The following CNTNAP2 variants were observed in gnomAD, a reference collection of about 807,000 sequenced individuals.
The protein encoded by CNTNAP2 is contactin associated protein 2, also known as contactin-associated protein-like 2.
In CNTNAP2, 98 loss-of-function variants were observed where a neutral mutation model predicts 155.2. That is an observed-to-expected ratio of 0.63 (90% CI 0.54 to 0.75). CNTNAP2 has a LOEUF of 0.75. Ranked by LOEUF, CNTNAP2 falls within the 30% of genes least tolerant of loss-of-function variation. CNTNAP2 has a pLI of 0.00. For missense variants in CNTNAP2, 1,727 were observed against 1,688.1 expected, an observed-to-expected ratio of 1.02 and a Z score of -0.40; for synonymous variants, 651 against 631.2, an observed-to-expected ratio of 1.03 and a Z score of -0.47.
intron 8 of CNTNAP2, among the ~76,000 whole-genome samples, chr7:147,243,617 T>A (rs1235035047): frequency 6.6e-6 from 1 of 152,230 alleles, no homozygotes; most frequent in Non-Finnish European, 1.5e-5. Context: ...CTATTGCTTA[T>A]GTTCTGATTT....
intron 13 of CNTNAP2, among the ~76,000 whole-genome samples, chr7:147,699,804 C>G (rs954255917): frequency 1.3e-5 from 2 of 152,064 alleles, no homozygotes; most frequent in South Asian, 2.1e-4. Context: ...ATCACTCCCC[C>G]CAAAATTTCT....
At chr7:146,632,213 G>C (rs1318996203) in intron 1 of CNTNAP2, among the ~76,000 whole-genome samples, 1 of 152,082 alleles carries the variant, frequency 6.6e-6, no homozygotes, top group Non-Finnish European at 1.5e-5. Flanking sequence ...CTTAGTGATT[G>C]TATTTTTCAT....
chr7:147,459,273 C>T (rs975840009), intron 10 of CNTNAP2, among the ~76,000 whole-genome samples: 10 of 152,182 alleles, frequency 6.6e-5, no homozygotes, highest in Non-Finnish European at 1.5e-4. Flanking sequence ...TTCTGCATTT[C>T]TTTTATCCTC....
intron 1 of CNTNAP2, among the ~76,000 whole-genome samples, chr7:146,228,354 G>A (rs76107655): frequency 3.5e-3 from 528 of 152,106 alleles, no homozygotes; most frequent in Admixed American, 4.9e-3. Context: ...GCATAATTTC[G>A]GCAAGTCCCT....
intron 13 of CNTNAP2, among the ~76,000 whole-genome samples, chr7:147,683,984 G>A (rs2116983216): frequency 6.6e-6 from 1 of 151,600 alleles, no homozygotes; most frequent in East Asian, 1.9e-4. Context: ...TACCAATGGA[G>A]GATAAGAAGA....
At chr7:147,688,734 C>G (rs1212953117) in intron 13 of CNTNAP2, among the ~76,000 whole-genome samples, 1 of 151,754 alleles carries the variant, frequency 6.6e-6, no homozygotes, top group African/African-American at 2.4e-5. Flanking sequence ...TGTGGTTATA[C>G]TATGCTGCAG....
At chr7:147,720,742 C>T (rs1321410415) in intron 13 of CNTNAP2, among the ~76,000 whole-genome samples, 1 of 152,116 alleles carries the variant, frequency 6.6e-6, no homozygotes, top group East Asian at 1.9e-4. Context: ...CCTCGCTTCC[C>T]TTTCACCTTC....
At chr7:147,597,973 G>C (rs540850638) in intron 12 of CNTNAP2, among the ~76,000 whole-genome samples, 5 of 152,248 alleles carry the variant, frequency 3.3e-5, no homozygotes, top group African/African-American at 1.2e-4. Flanking sequence ...GCAGCAATAG[G>C]TCAGGCAAAC....
At chr7:146,968,539 G>A (rs1177105544) in intron 3 of CNTNAP2, among the ~76,000 whole-genome samples, 1 of 152,108 alleles carries the variant, frequency 6.6e-6, no homozygotes, top group African/African-American at 2.4e-5. Context: ...TTAGTCTTGG[G>A]AGGGTGTATG....
At chr7:147,860,297 C>T (rs774163469) in intron 13 of CNTNAP2, among the ~76,000 whole-genome samples, 5 of 152,004 alleles carry the variant, frequency 3.3e-5, no homozygotes, top group African/African-American at 4.8e-5. Context: ...CGGTGGTCTG[C>T]GCCTGTAATC....
chr7:146,991,834 A>G (rs1798213511), intron 3 of CNTNAP2, among the ~76,000 whole-genome samples: 1 of 152,192 alleles, frequency 6.6e-6, no homozygotes, highest in Admixed American at 6.5e-5. Flanking sequence ...TTAGAACTTA[A>G]CAATGTGAAT....
In CNTNAP2 at chr7:147,314,059, CTGTT is replaced by C. The variant is rs1399041857; in HGVS notation, c.1498+13773_1498+13776del. On this transcript the variant is annotated intron_variant, in intron 9 of 23. Coordinates refer to ENST00000361727, the MANE Select transcript of CNTNAP2 (RefSeq NM_014141.6). Reference sequence around the variant, plus strand: ...GGGAGTTCACTCATGATTTGACTCTCTGTTTGTCTGTTATTGGTGTATAAGAATG... The same window carrying C: ...GGGAGTTCACTCATGATTTGACTCTCTGTCTGTTATTGGTGTATAAGAATG... Among the ~76,000 whole-genome samples the C allele has an allele frequency of 2.0e-5, 3 of 152,096 alleles. 1 individual carries two copies. The highest frequency in any genetic ancestry group is 4.1e-4 in the South Asian group (2 of 4,822).
chr7:147,419,077 A>C (rs1266987304), intron 10 of CNTNAP2, among the ~76,000 whole-genome samples: 2 of 152,210 alleles, frequency 1.3e-5, no homozygotes, highest in Non-Finnish European at 2.9e-5. Context: ...ATGCCAAAAA[A>C]ATTTCAATGA....
chr7:147,760,212 C>T (rs890519991), intron 13 of CNTNAP2, among the ~76,000 whole-genome samples: 2 of 150,860 alleles, frequency 1.3e-5, no homozygotes, highest in Non-Finnish European at 1.5e-5. Flanking sequence ...ATCAGAAATC[C>T]TTATCTACTA....
At chr7:147,761,692 G>A (rs979140673) in intron 13 of CNTNAP2, among the ~76,000 whole-genome samples, 4 of 152,108 alleles carry the variant, frequency 2.6e-5, no homozygotes, top group Admixed American at 1.3e-4. Flanking sequence ...ATCTTATCAG[G>A]CATTGAGCTG....
intron 15 of CNTNAP2, among the ~76,000 whole-genome samples, chr7:148,113,887 G>A (rs1388455879): frequency 1.3e-5 from 2 of 152,194 alleles, no homozygotes; most frequent in Non-Finnish European, 2.9e-5. Context: ...TTCTGTTACT[G>A]TTGACTGACC....
chr7:147,764,198 C>T (rs1398223038), intron 13 of CNTNAP2, among the ~76,000 whole-genome samples: 3 of 152,142 alleles, frequency 2.0e-5, no homozygotes, highest in Non-Finnish European at 4.4e-5. Context: ...TTCTTGGCAC[C>T]TGCCATCTCA....
chr7:146,540,385 T>C (rs1405854663), intron 1 of CNTNAP2, among the ~76,000 whole-genome samples: 4 of 152,044 alleles, frequency 2.6e-5, no homozygotes, highest in Non-Finnish European at 5.9e-5. Context: ...TACTCTGGTA[T>C]CATTCTCTGC....
At chr7:148,137,000 G>A (rs1188574637) in intron 16 of CNTNAP2, among the ~76,000 whole-genome samples, 1 of 152,130 alleles carries the variant, frequency 6.6e-6, no homozygotes, top group East Asian at 1.9e-4. Context: ...ATTTCCAGAG[G>A]AATGCTTTTC....
Sources: allele counts gnomAD v4.1 joint callset (sites outside exome capture counted in the v4.1 genomes callset), GRCh38; gene constraint gnomAD v4.1.1; transcripts MANE v1.5; gene names NCBI Gene and HGNC (gene_info 2026-07-23, HGNC 2026-07-21).